Variants in CCSER1 observed in about 807,000 individuals in gnomAD.
CCSER1 encodes the protein serine-rich coiled-coil domain-containing protein 1.
In CCSER1, 41 loss-of-function variants were observed where a neutral mutation model predicts 82.0. The ratio of observed to expected loss-of-function variants is 0.50; its 90% confidence interval spans 0.39 to 0.65. CCSER1 has a LOEUF of 0.65. Among genes scored for constraint, CCSER1 ranks in the 30% least tolerant of loss-of-function variants. The pLI, the probability that CCSER1 is intolerant of heterozygous loss-of-function variation, is 0.00. For missense variants in CCSER1, 1,119 were observed against 1,064.2 expected (o/e 1.05, Z -0.72); for synonymous variants, 414 against 383.9 (o/e 1.08, Z -0.92).
chr4:90,191,930 T>A (rs1735702534), intron 1 of CCSER1, among the ~76,000 whole-genome samples: 1 of 152,092 alleles, frequency 6.6e-6, no homozygotes. Flanking sequence ...AGTTAGCTTA[T>A]GTAAAATTGC....
At chr4:90,454,228 GT>G (rs576058533) in intron 4 of CCSER1, among the ~76,000 whole-genome samples, 3,116 of 128,738 alleles carry the variant, frequency 0.024, 62 homozygotes, top group African/African-American at 0.066. Flanking sequence ...TTTGTTTCAT[GT>G]TTTTTTTTTT....
intron 10 of CCSER1, among the ~76,000 whole-genome samples, chr4:91,384,936 A>G (rs1751181459): frequency 6.6e-6 from 1 of 152,072 alleles, no homozygotes; most frequent in African/African-American, 2.4e-5. Flanking sequence ...TTGAAAATAC[A>G]CTGTTGGCAA....
chr4:91,275,123 C>T (rs1186809517), intron 10 of CCSER1, among the ~76,000 whole-genome samples: 5 of 151,694 alleles, frequency 3.3e-5, no homozygotes, highest in Admixed American at 3.3e-4. Context: ...AAAAGAAACA[C>T]TAATTTATTT....
At chr4:91,014,914 A>G (rs528721759) in intron 9 of CCSER1, among the ~76,000 whole-genome samples, 1 of 84,234 alleles carries the variant, frequency 1.2e-5, no homozygotes, top group East Asian at 5.0e-4. Context: ...GAAAAGTTCA[A>G]GTTTGGAGAG....
chr4:90,981,119 G>C (rs988601836), intron 9 of CCSER1, among the ~76,000 whole-genome samples: 1 of 151,802 alleles, frequency 6.6e-6, no homozygotes, highest in Non-Finnish European at 1.5e-5. Context: ...CCCTTGGGCA[G>C]ACCCTAAGCT....
chr4:90,623,761 C>G (rs143448609), intron 5 of CCSER1, among the ~76,000 whole-genome samples: 1 of 152,152 alleles, frequency 6.6e-6, no homozygotes, highest in Non-Finnish European at 1.5e-5. Context: ...TAAAATAACA[C>G]TCTCAGACAG....
chr4:90,701,740 GA>G (rs1231925832), intron 6 of CCSER1, among the ~76,000 whole-genome samples: 1 of 152,140 alleles, frequency 6.6e-6, no homozygotes, highest in East Asian at 1.9e-4. Flanking sequence ...AAGCAATTGT[GA>G]ATGGGAGTTC....
chr4:91,502,294 CTTTGT>C (rs1224642946), intron 10 of CCSER1, among the ~76,000 whole-genome samples: 3 of 152,202 alleles, frequency 2.0e-5, no homozygotes, highest in Admixed American at 6.5e-5. Context: ...AACTCTCTTC[CTTTGT>C]TTTATCAGGA....
chr4:90,773,741 A>G (rs1268164292), intron 7 of CCSER1, among the ~76,000 whole-genome samples: 2 of 152,212 alleles, frequency 1.3e-5, no homozygotes, highest in Non-Finnish European at 1.5e-5. Context: ...GGGAGAGCCC[A>G]GAAATTGTAG....
chr4:91,357,553 C>A (rs1578256356), intron 10 of CCSER1, among the ~76,000 whole-genome samples: 1 of 151,870 alleles, frequency 6.6e-6, no homozygotes, highest in Admixed American at 6.6e-5. Flanking sequence ...ATTTTTTTAA[C>A]CTTTTAATGT....
At chr4:90,900,937 G>A (rs973412472) in intron 8 of CCSER1, among the ~76,000 whole-genome samples, 9 of 151,748 alleles carry the variant, frequency 5.9e-5, no homozygotes, top group African/African-American at 1.9e-4. Flanking sequence ...TCTTGGTCTA[G>A]TAGTATTTGT....
At chr4:90,630,091 CTGT>C (rs1338600251) in intron 6 of CCSER1, among the ~76,000 whole-genome samples, 1 of 152,138 alleles carries the variant, frequency 6.6e-6, no homozygotes, top group African/African-American at 2.4e-5. Context: ...TTTGGCAAGC[CTGT>C]TGTTAAATAT....
intron 10 of CCSER1, among the ~76,000 whole-genome samples, chr4:91,216,858 C>T (rs1354595486): frequency 2.6e-5 from 4 of 152,080 alleles, no homozygotes; most frequent in Non-Finnish European, 4.4e-5. Context: ...TTATTATCTT[C>T]TTGCTATTGT....
At chr4:91,411,371 C>T (rs1025802779) in intron 10 of CCSER1, among the ~76,000 whole-genome samples, 1 of 150,446 alleles carries the variant, frequency 6.6e-6, no homozygotes, top group Non-Finnish European at 1.5e-5. Context: ...CCTATTTTTC[C>T]TCTGTTGCTC....
chr4:90,422,414 G>C (rs1293734111), intron 4 of CCSER1, among the ~76,000 whole-genome samples: 1 of 152,058 alleles, frequency 6.6e-6, no homozygotes, highest in Non-Finnish European at 1.5e-5. Flanking sequence ...ACAATATAGA[G>C]AGACCCTCAT....
chr4:91,214,765 C>CA (rs945062217), intron 10 of CCSER1, among the ~76,000 whole-genome samples: 5 of 152,026 alleles, frequency 3.3e-5, no homozygotes, highest in Middle Eastern at 3.6e-3. Context: ...CTTGCTATAA[C>CA]AAGGGCTTAT....
intron 1 of CCSER1, among the ~76,000 whole-genome samples, chr4:90,263,506 G>A (rs1307340326): frequency 6.6e-6 from 1 of 152,192 alleles, no homozygotes; most frequent in African/African-American, 2.4e-5. Context: ...AACTTGTCAT[G>A]TGGACAGACT....
At chr4:90,823,213 T>TCA (rs541390809) in intron 8 of CCSER1, among the ~76,000 whole-genome samples, 38 of 151,880 alleles carry the variant, frequency 2.5e-4, no homozygotes, top group African/African-American at 4.8e-4. Flanking sequence ...GTTTTAAACT[T>TCA]CACACACACA....
At chr4:90,322,985 G>A (rs902708989) in intron 3 of CCSER1, among the ~76,000 whole-genome samples, 5 of 152,198 alleles carry the variant, frequency 3.3e-5, no homozygotes, top group African/African-American at 1.2e-4. Context: ...GGTGAATCCT[G>A]CCAGGTCTGG....
Sources: allele counts gnomAD v4.1 joint callset (sites outside exome capture counted in the v4.1 genomes callset), GRCh38; gene constraint gnomAD v4.1.1; transcripts MANE v1.5; gene names NCBI Gene and HGNC (gene_info 2026-07-23, HGNC 2026-07-21).